The following KCNH8 variants were observed in gnomAD, a reference collection of about 807,000 sequenced individuals.
The protein encoded by KCNH8 is potassium voltage-gated channel subfamily H member 8, also known as voltage-gated delayed rectifier potassium channel KCNH8.
In KCNH8, 70 loss-of-function variants were observed where a neutral mutation model predicts 103.6. The ratio of observed to expected loss-of-function variants is 0.68; its 90% CI spans 0.56 to 0.82. The LOEUF (loss-of-function observed/expected upper bound fraction) is 0.82. Among genes scored for constraint, KCNH8 ranks in the 40% least tolerant of loss-of-function variants. The probability of loss-of-function intolerance (pLI) is 0.00; values close to 1 mark genes in which losing one functional copy is unlikely to be tolerated. For synonymous variants in KCNH8, 498 were observed against 489.4 expected, an observed-to-expected ratio of 1.02 and a Z score of -0.23; for missense variants, 1,217 against 1,329.9, an observed-to-expected ratio of 0.92 and a Z score of 1.32.
chr3:19,231,194 A>G (rs919231448), intron 1 of KCNH8, among the ~76,000 whole-genome samples: 1 of 152,146 alleles, frequency 6.6e-6, no homozygotes, highest in Non-Finnish European at 1.5e-5. Context: ...ATTTATTAAT[A>G]TATAATATGC....
intron 5 of KCNH8, among the ~76,000 whole-genome samples, chr3:19,377,616 C>T (rs1173644635): frequency 2.0e-5 from 3 of 152,112 alleles, no homozygotes; most frequent in Non-Finnish European, 4.4e-5. Flanking sequence ...GCAAACAACA[C>T]TAAGAGGTTC....
chr3:19,211,058 C>T (rs1172075719), intron 1 of KCNH8, among the ~76,000 whole-genome samples: 1 of 152,110 alleles, frequency 6.6e-6, no homozygotes, highest in Non-Finnish European at 1.5e-5. Flanking sequence ...ACATGATGTC[C>T]CATTGACCAC....
chr3:19,507,402 C>T (rs189500232), intron 11 of KCNH8, among the ~76,000 whole-genome samples: 81 of 152,294 alleles, frequency 5.3e-4, no homozygotes, highest in African/African-American at 1.9e-3. Flanking sequence ...AGCCCTGCCT[C>T]ATGAAGAGTG....
intron 5 of KCNH8, among the ~76,000 whole-genome samples, chr3:19,350,524 G>A (rs1258697384): frequency 6.6e-6 from 1 of 151,878 alleles, no homozygotes; most frequent in Admixed American, 6.6e-5. Context: ...CCTCTGAGAC[G>A]AAGCTTCCAG....
intron 1 of KCNH8, among the ~76,000 whole-genome samples, chr3:19,232,083 T>C (rs978695158): frequency 6.6e-6 from 1 of 152,230 alleles, no homozygotes; most frequent in Admixed American, 6.5e-5. Flanking sequence ...GATTGGAATG[T>C]ATTTTTTAGT....
chr3:19,340,107 A>G (rs2065638020), intron 3 of KCNH8, among the ~76,000 whole-genome samples: 1 of 152,056 alleles, frequency 6.6e-6, no homozygotes. Flanking sequence ...GATATTTATG[A>G]GGATCAATTT....
intron 1 of KCNH8, among the ~76,000 whole-genome samples, chr3:19,234,541 G>C (rs1400860801): frequency 1.3e-5 from 2 of 152,232 alleles, no homozygotes; most frequent in East Asian, 3.9e-4. Flanking sequence ...CCGAGTGCGG[G>C]GTCCGCGAGC....
At chr3:19,337,203 C>T (rs967092663) in intron 3 of KCNH8, among the ~76,000 whole-genome samples, 3 of 152,004 alleles carry the variant, frequency 2.0e-5, no homozygotes, top group Non-Finnish European at 4.4e-5. Context: ...CTTTGATGAT[C>T]TTTAGGTTTG....
rs140400432 is a variant in KCNH8, at chr3:19,158,125, T to C, written c.76+9330T>C. On this transcript the variant is annotated intron_variant, in intron 1 of 15. Transcript: ENST00000328405. ...ACGTATTCAATTTTTTTCTCCTCCA[T>C]TAATAAGTTCTGTAACTTTTACTTT... Among the ~76,000 whole-genome samples the C allele has an allele frequency of 2.0e-3, 305 of 151,692 alleles. 6 individuals carry two copies. In the East Asian group the frequency reaches 0.054, roughly 27 times the overall value.
intron 15 of KCNH8, among the ~76,000 whole-genome samples, chr3:19,525,680 G>GGTAATGCTAGACTT (rs2069051839): frequency 6.6e-6 from 1 of 151,860 alleles, no homozygotes; most frequent in African/African-American, 2.4e-5. Flanking sequence ...ATTTTGTATT[G>GGTAATGCTAGACTT]GTAATGCTAG....
At chr3:19,235,476 AG>A (rs1188699425) in intron 1 of KCNH8, among the ~76,000 whole-genome samples, 1 of 152,210 alleles carries the variant, frequency 6.6e-6, no homozygotes, top group Non-Finnish European at 1.5e-5. Flanking sequence ...ACTAAAATTG[AG>A]GAAGCAATGT....
intron 2 of KCNH8, among the ~76,000 whole-genome samples, chr3:19,265,045 C>T (rs1429380201): frequency 6.6e-6 from 1 of 152,080 alleles, no homozygotes; most frequent in African/African-American, 2.4e-5. Context: ...AGGCACTATA[C>T]ATACCCCTTG....
intron 12 of KCNH8, among the ~76,000 whole-genome samples, chr3:19,511,552 G>A (rs80293655): frequency 0.073 from 11,029 of 152,090 alleles, 456 homozygotes; most frequent in African/African-American, 0.1. Context: ...TGGGTAAACT[G>A]ATTTTTCTAT....
intron 15 of KCNH8, among the ~76,000 whole-genome samples, chr3:19,528,871 C>G (rs894517703): frequency 6.6e-6 from 1 of 152,126 alleles, no homozygotes; most frequent in African/African-American, 2.4e-5. Context: ...CCTCAAGGAA[C>G]TCAACGACTA....
chr3:19,426,339 G>A (rs1370255677), intron 7 of KCNH8, among the ~76,000 whole-genome samples: 1 of 151,886 alleles, frequency 6.6e-6, no homozygotes, highest in Non-Finnish European at 1.5e-5. Context: ...CAAAATTGGA[G>A]TTTCTTGAAA....
At chr3:19,240,238 G>T (rs539875047) in intron 1 of KCNH8, among the ~76,000 whole-genome samples, 1 of 151,806 alleles carries the variant, frequency 6.6e-6, no homozygotes, top group Non-Finnish European at 1.5e-5. Context: ...CTTTATTTTT[G>T]CTCTGTTTTT....
Position 19,253,870 on chromosome 3 carries a change from T to C in KCNH8, c.293T>C (p.Met98Thr). ...EEKTEFKGEI[M>T]FYKKNGSPFW... is the part of the protein sequence containing the mutation. ...AAAACAGAATTCAAAGGAGAAATTA[T>C]GTTCTACAAGAAAAACGGTGAGTTG... Residue 98 changes from methionine to threonine, a missense_variant, in exon 2 of 16, where the codon ATG becomes ACG. Transcript: ENST00000328405. 1 of 1,612,722 alleles carries C rather than the reference T, an allele frequency of 6.2e-7. No individual in the cohort carries two copies. Among genetic ancestry groups the C allele is most frequent in the Non-Finnish European group, 8.5e-7 (1 of 1,178,944 alleles).
chr3:19,442,471 G>T (rs557249767), intron 8 of KCNH8, among the ~76,000 whole-genome samples: 2 of 152,254 alleles, frequency 1.3e-5, no homozygotes, highest in East Asian at 3.9e-4. Context: ...AATTGTTAAT[G>T]CACAAACTAT....
At chr3:19,232,390 A>G (rs1242972616) in intron 1 of KCNH8, among the ~76,000 whole-genome samples, 1 of 152,212 alleles carries the variant, frequency 6.6e-6, no homozygotes, top group Non-Finnish European at 1.5e-5. Flanking sequence ...TAGCTACAAG[A>G]AAACCAAGGA....
Sources: gnomAD v4.1 joint callset for allele counts (sites outside exome capture counted in the v4.1 genomes callset) on GRCh38, gnomAD v4.1.1 for gene constraint, MANE v1.5 for transcripts, NCBI Gene and HGNC (gene_info 2026-07-23, HGNC 2026-07-21) for gene names.